PUS10: variants seen among roughly 807,000 people sequenced by gnomAD.
The protein encoded by PUS10 is tRNA pseudouridine synthase Pus10.
PUS10 carries 59 observed loss-of-function variants against 75.0 expected under a neutral mutation model. That is an observed-to-expected ratio of 0.79 (90% CI 0.64 to 0.98). The LOEUF (loss-of-function observed/expected upper bound fraction) is 0.98, where lower values mean the gene tolerates loss of function less well. PUS10 is among the 50% of genes least tolerant of loss of function. PUS10 has a pLI of 0.00. For synonymous variants in PUS10, 219 were observed against 211.6 expected, an observed-to-expected ratio of 1.03 and a Z score of -0.30; for missense variants, 650 against 614.4, an observed-to-expected ratio of 1.06 and a Z score of -0.61.
At chr2:60,944,127 CA>C (rs140811385) in intron 17 of PUS10, 45,303 of 544,808 alleles carry the variant, frequency 0.083, 1 homozygote, top group Non-Finnish European at 0.094. Context: ...GACCCTGTCT[CA>C]AAAAAAAAAA....
chr2:60,945,881 TTA>T (rs1264738428), intron 16 of PUS10, among the ~76,000 whole-genome samples: 3 of 152,236 alleles, frequency 2.0e-5, no homozygotes, highest in African/African-American at 7.2e-5. Flanking sequence ...AAATGCAGCA[TTA>T]TGTTTTGTTC....
intron 15 of PUS10, among the ~76,000 whole-genome samples, chr2:60,948,689 G>A (rs1217086062): frequency 6.6e-6 from 1 of 152,154 alleles, no homozygotes; most frequent in Non-Finnish European, 1.5e-5. Context: ...ACAAATCGAT[G>A]TGCATAATAA....
chr2:60,984,674 T>C (rs1193062432), intron 4 of PUS10, among the ~76,000 whole-genome samples: 2 of 152,250 alleles, frequency 1.3e-5, no homozygotes, highest in Non-Finnish European at 2.9e-5. Context: ...ATTCTTCAAC[T>C]GGATAAATGA....
intron 4 of PUS10, among the ~76,000 whole-genome samples, chr2:60,982,272 TA>T (rs1191068722): frequency 6.6e-6 from 1 of 152,026 alleles, no homozygotes; most frequent in Non-Finnish European, 1.5e-5. Context: ...TTTATTTATT[TA>T]TTTTTTGGAG....
rs1476910238 is a variant in PUS10 at position 61,011,773 on chromosome 2, G to C, written c.118C>G (p.Pro40Ala). ...AAAAGAAAAGAAAATACCTTGTATG[G>C]AAGTTTGTAAGGTGCATGAAAATCC... ...GVDFHAPYKL[P>A]YKELLNELQK... Residue 40 changes from proline to alanine, a missense_variant, in exon 2 of 18, where the codon CCA becomes GCA. Transcript: ENST00000316752. 11 of 1,571,422 alleles carry C rather than the reference G, an allele frequency of 7.0e-6. No homozygotes were observed. The highest frequency in any genetic ancestry group is 1.4e-5 in the African/African-American group (1 of 71,924).
chr2:60,975,506 C>G (rs139618498), intron 4 of PUS10, among the ~76,000 whole-genome samples: 1 of 152,078 alleles, frequency 6.6e-6, no homozygotes, highest in Admixed American at 6.5e-5. Context: ...TTAGGTTTTA[C>G]TTAATTTCTG....
intron 11 of PUS10, among the ~76,000 whole-genome samples, chr2:60,956,706 T>C (rs556964631): frequency 2.6e-5 from 4 of 152,142 alleles, no homozygotes; most frequent in African/African-American, 9.6e-5. Flanking sequence ...CTGGGTGCGG[T>C]GGCTCACGCC....
chr2:60,987,707 G>A (rs1305562223), intron 4 of PUS10, among the ~76,000 whole-genome samples: 1 of 152,148 alleles, frequency 6.6e-6, no homozygotes, highest in African/African-American at 2.4e-5. Flanking sequence ...CAGATCACTT[G>A]AGGTCAGGAG....
intron 4 of PUS10, among the ~76,000 whole-genome samples, 159 bp from the exon 5 acceptor site, chr2:60,971,716 C>A (rs1342110750): frequency 1.3e-5 from 2 of 152,120 alleles, no homozygotes; most frequent in Non-Finnish European, 2.9e-5. Flanking sequence ...TGACCTCAGT[C>A]TCATTTAAAA....
At chr2:60,948,361 A>G (rs1258182516) in intron 15 of PUS10, among the ~76,000 whole-genome samples, 176 bp from the exon 16 acceptor site, 1 of 152,078 alleles carries the variant, frequency 6.6e-6, no homozygotes, top group African/African-American at 2.4e-5. Context: ...CCAGTCTATC[A>G]TTACTCATTT....
At chr2:60,962,621 T>C (rs181549795) in intron 9 of PUS10, among the ~76,000 whole-genome samples, 343 of 151,696 alleles carry the variant, frequency 2.3e-3, no homozygotes, top group Non-Finnish European at 3.9e-3. Context: ...AAAAAGACGT[T>C]AGACTTGATA....
chr2:60,963,070 G>C (rs1229810275), intron 8 of PUS10, among the ~76,000 whole-genome samples, 180 bp from the exon 9 acceptor site: 1 of 152,182 alleles, frequency 6.6e-6, no homozygotes. Context: ...ATTCATGTCA[G>C]TTCTGCAACT....
At chr2:61,002,525 G>A (rs192659826) in intron 4 of PUS10, among the ~76,000 whole-genome samples, 312 of 152,204 alleles carry the variant, frequency 2.0e-3, no homozygotes, top group Non-Finnish European at 2.9e-3. Context: ...TCAGCTCACC[G>A]CAACCTCCGC....
chr2:60,982,253 TTTTA>T (rs1001673960), intron 4 of PUS10, among the ~76,000 whole-genome samples: 2 of 151,958 alleles, frequency 1.3e-5, no homozygotes, highest in African/African-American at 4.8e-5. Flanking sequence ...TATTTATTTA[TTTTA>T]TTTATTTATT....
Position 60,941,526 on chromosome 2 carries a change from C to CTA in PUS10, c.*867_*868dup, listed in dbSNP as rs1674626215. Reference sequence around the variant, plus strand: ...ATATTTATAAAATGGAGACAATATCCTATCTACTTTAATAAGGTATTATTA... The same window carrying CTA: ...ATATTTATAAAATGGAGACAATATCCTATATCTACTTTAATAAGGTATTATTA... On this transcript the variant is annotated 3_prime_UTR_variant, in exon 18 of 18. Coordinates refer to ENST00000316752, the MANE Select transcript of PUS10 (RefSeq NM_144709.4). The CTA allele has an allele frequency of 6.6e-6, 1 of 152,066 alleles. No homozygotes were observed. Among genetic ancestry groups the CTA allele is most frequent in the Admixed American group, 6.6e-5 (1 of 15,266 alleles). The allele number at this position is 152,066 out of a possible 1,614,324, so 9.4% of individuals were successfully genotyped here.
intron 6 of PUS10, 137 bp from the exon 7 acceptor site, chr2:60,965,621 C>G: frequency 1.7e-6 from 1 of 595,556 alleles, no homozygotes; most frequent in Non-Finnish European, 2.9e-6. Context: ...CTACTGCTCT[C>G]AAATCAACTT....
Position 61,018,075 on chromosome 2 carries a change from G to A in PUS10, c.-83C>T. 1 of 1,503,538 alleles carries A rather than the reference G, an allele frequency of 6.7e-7. No individual in the cohort carries two copies. Among genetic ancestry groups the A allele is most frequent in the Non-Finnish European group, 8.9e-7 (1 of 1,126,318 alleles). 93.1% of individuals were successfully genotyped at this position (1,503,538 alleles called of 1,614,324 possible). On this transcript the variant is annotated 5_prime_UTR_variant, in exon 1 of 18. Transcript: ENST00000316752. ...GCTCTAATCAGCAACGTTTTTTTCG[G>A]GAGCTCCTGGGCGTCTCTCTGGGTC...
At chr2:60,971,818 A>C (rs561608027) in intron 4 of PUS10, among the ~76,000 whole-genome samples, 1 of 133,610 alleles carries the variant, frequency 7.5e-6, no homozygotes, top group Non-Finnish European at 1.6e-5. Flanking sequence ...ACAGATTTCT[A>C]TTTCTCATTA....
In PUS10 at chr2:60,997,967, G is replaced by A. The variant is rs1196744042; in HGVS notation, c.468+8590C>T. ...TGTCATACAAAATAAAAATCGAGAAGCCATGCACAAATGGACAAAAAGCAG... is the reference window on the plus strand; with the variant it reads ...TGTCATACAAAATAAAAATCGAGAAACCATGCACAAATGGACAAAAAGCAG... On this transcript the variant is annotated intron_variant, in intron 4 of 17. Coordinates refer to ENST00000316752, the MANE Select transcript of PUS10 (RefSeq NM_144709.4). Among the ~76,000 whole-genome samples, 3 of 152,264 alleles carry A rather than the reference G, an allele frequency of 2.0e-5. No homozygotes were observed. The East Asian group carries it at 5.8e-4, about 29-fold the overall frequency.
Sources: allele counts gnomAD v4.1 joint callset (sites outside exome capture counted in the v4.1 genomes callset), GRCh38; gene constraint gnomAD v4.1.1; transcripts MANE v1.5; gene names NCBI Gene and HGNC (gene_info 2026-07-23, HGNC 2026-07-21).